The following GRIA1 variants were observed in gnomAD, a reference collection of about 807,000 sequenced individuals.
The protein encoded by GRIA1 is glutamate ionotropic receptor AMPA type subunit 1.
A neutral mutation model predicts 99.2 loss-of-function variants in GRIA1; 31 were observed. That is an observed-to-expected ratio of 0.31 (90% CI 0.23 to 0.42). The LOEUF (loss-of-function observed/expected upper bound fraction) is 0.42. GRIA1 is among the 10% of genes least tolerant of loss of function. GRIA1 has a pLI of 1.00. For missense variants in GRIA1, 782 were observed against 1,157.5 expected, an observed-to-expected ratio of 0.68 and a Z score of 4.71; for synonymous variants, 438 against 432.4, an observed-to-expected ratio of 1.01 and a Z score of -0.16.
chr5:153,536,536 GC>G (rs1349771069), intron 2 of GRIA1, among the ~76,000 whole-genome samples: 1 of 151,976 alleles, frequency 6.6e-6, no homozygotes, highest in African/African-American at 2.4e-5. Context: ...ACCTCCTCCA[GC>G]CCAGCATCTA....
intron 2 of GRIA1, among the ~76,000 whole-genome samples, chr5:153,523,412 C>T (rs1757325149): frequency 6.6e-6 from 1 of 152,190 alleles, no homozygotes; most frequent in South Asian, 2.1e-4. Flanking sequence ...TTTTTCACCA[C>T]AGCCTGAAAT....
At chr5:153,724,497 G>GA (rs1417041374) in intron 11 of GRIA1, among the ~76,000 whole-genome samples, 1 of 152,078 alleles carries the variant, frequency 6.6e-6, no homozygotes, top group Non-Finnish European at 1.5e-5. Context: ...TGAAAACTTT[G>GA]AAAAAAATTT....
At chr5:153,695,226 T>C (rs916386350) in intron 8 of GRIA1, among the ~76,000 whole-genome samples, 1 of 152,096 alleles carries the variant, frequency 6.6e-6, no homozygotes, top group Non-Finnish European at 1.5e-5. Context: ...GCCTGCACTA[T>C]CTGCATAGTG....
intron 2 of GRIA1, among the ~76,000 whole-genome samples, chr5:153,503,984 CTTCACCTG>C (rs1478494413): frequency 2.0e-5 from 3 of 152,188 alleles, no homozygotes; most frequent in Non-Finnish European, 4.4e-5. Context: ...CACTGGCAGC[CTTCACCTG>C]CCCAGCTACA....
intron 8 of GRIA1, among the ~76,000 whole-genome samples, chr5:153,696,588 C>T (rs935469285): frequency 1.3e-5 from 2 of 152,190 alleles, no homozygotes; most frequent in Non-Finnish European, 2.9e-5. Flanking sequence ...AAACTATTTC[C>T]AACTGAAGGA....
chr5:153,742,102 A>C (rs1056798079), intron 11 of GRIA1, among the ~76,000 whole-genome samples: 2 of 151,094 alleles, frequency 1.3e-5, no homozygotes, highest in East Asian at 3.8e-4. Context: ...TAGCTAGGAA[A>C]GATACGAAAA....
intron 14 of GRIA1, among the ~76,000 whole-genome samples, chr5:153,796,024 T>G (rs1765625578): frequency 2.0e-5 from 3 of 150,902 alleles, no homozygotes; most frequent in Admixed American, 1.3e-4. Flanking sequence ...TTTTTTTTTT[T>G]TTTTTGGACA....
intron 2 of GRIA1, among the ~76,000 whole-genome samples, chr5:153,571,138 C>G (rs1448805509): frequency 2.6e-5 from 4 of 152,190 alleles, no homozygotes; most frequent in Non-Finnish European, 5.9e-5. Context: ...CATCAGTATC[C>G]TTGGCCTCTA....
intron 5 of GRIA1, among the ~76,000 whole-genome samples, chr5:153,671,318 C>G (rs1268535872): frequency 6.6e-6 from 1 of 152,216 alleles, no homozygotes; most frequent in Non-Finnish European, 1.5e-5. Context: ...CAGAATTTGA[C>G]TGCAGGAGAT....
intron 2 of GRIA1, among the ~76,000 whole-genome samples, chr5:153,510,121 C>G (rs1755917341): frequency 6.6e-6 from 1 of 152,092 alleles, no homozygotes; most frequent in Admixed American, 6.6e-5. Context: ...TTGGAGTCAG[C>G]TGCCTTAAAA....
In GRIA1 at chr5:153,657,619, T is replaced by C. The variant is rs78974410; in HGVS notation, c.699+1747T>C. 9.6e-3 allele frequency among the ~76,000 whole-genome samples: 1,467 copies of C among 152,286 alleles called. 12 individuals carry two copies. Among genetic ancestry groups the C allele is most frequent in the Non-Finnish European group, 0.014 (948 of 68,020 alleles). ...AGAAATAAGGCACAGGGTGCATGAA[T>C]CTAAAAATGTGACCAAAGCATCCTG... On this transcript the variant is annotated intron_variant, in intron 5 of 15. Coordinates refer to ENST00000285900, the MANE Select transcript of GRIA1 (RefSeq NM_000827.4).
chr5:153,594,423 A>G (rs958213328), intron 2 of GRIA1, among the ~76,000 whole-genome samples: 5 of 151,874 alleles, frequency 3.3e-5, no homozygotes, highest in African/African-American at 9.7e-5. Context: ...GTCTTTCAGT[A>G]TTTTTGTCAA....
At chr5:153,512,595 A>C (rs910401566) in intron 2 of GRIA1, among the ~76,000 whole-genome samples, 2 of 152,200 alleles carry the variant, frequency 1.3e-5, no homozygotes, top group African/African-American at 2.4e-5. Context: ...CCCTTTCTCT[A>C]GTCTGCAAAC....
chr5:153,617,860 A>C (rs968604790), intron 2 of GRIA1, among the ~76,000 whole-genome samples: 1 of 152,150 alleles, frequency 6.6e-6, no homozygotes, highest in South Asian at 2.1e-4. Context: ...TGAGTCTAAA[A>C]AGCTGGTGGC....
chr5:153,641,120 G>A (rs186401323), intron 2 of GRIA1, among the ~76,000 whole-genome samples: 6 of 152,152 alleles, frequency 3.9e-5, no homozygotes, highest in Admixed American at 3.9e-4. Flanking sequence ...ATTCCAGGAG[G>A]GGAATGAGTG....
rs964180973 is a variant in GRIA1 at position 153,625,104 on chromosome 5, C to G, written c.221-21824C>G. On this transcript the variant is annotated intron_variant, in intron 2 of 15. Transcript: ENST00000285900. ...CTGAATATAAGTCCCTAGTACATCT[C>G]TATTTTTTTTTTAGCAATATTGCTG... is the stretch of plus-strand genomic sequence containing the variant. 5.3e-5 allele frequency among the ~76,000 whole-genome samples: 8 copies of G among 150,444 alleles called. 1 individual carries two copies. Among genetic ancestry groups the G allele is most frequent in the Admixed American group, 5.3e-4 (8 of 15,140 alleles).
chr5:153,532,963 G>T lies in GRIA1; in HGVS notation c.220+38898G>T, dbSNP rs561930974. Among the ~76,000 whole-genome samples the T allele has an allele frequency of 2.6e-5, 4 of 152,170 alleles. No homozygotes were observed. The East Asian group carries it at 5.8e-4, about 22-fold the overall frequency. The stretch of plus-strand genomic sequence containing the variant: ...CCAGGACCTAGAAGATTCTAGTAAG[G>T]GTTTAGTAAATGTTAATTATGGTTG... On this transcript the variant is annotated intron_variant, in intron 2 of 15. Coordinates refer to ENST00000285900, the MANE Select transcript of GRIA1 (RefSeq NM_000827.4).
chr5:153,558,910 G>T (rs1760883392), intron 2 of GRIA1, among the ~76,000 whole-genome samples: 1 of 152,122 alleles, frequency 6.6e-6, no homozygotes, highest in Non-Finnish European at 1.5e-5. Context: ...TCTGGTTTGT[G>T]TTGGGTTCTT....
chr5:153,774,337 A>G (rs1026731930), intron 13 of GRIA1, among the ~76,000 whole-genome samples: 2 of 152,150 alleles, frequency 1.3e-5, no homozygotes, highest in Non-Finnish European at 2.9e-5. Flanking sequence ...GGGCTGATAT[A>G]TGCTTAAAGA....
Sources: gnomAD v4.1 joint callset for allele counts (sites outside exome capture counted in the v4.1 genomes callset) on GRCh38, gnomAD v4.1.1 for gene constraint, MANE v1.5 for transcripts, NCBI Gene and HGNC (gene_info 2026-07-23, HGNC 2026-07-21) for gene names.